The following DCAF8L2 variants were observed in gnomAD, a reference collection of about 807,000 sequenced individuals.
DCAF8L2 encodes the protein DDB1- and CUL4-associated factor 8-like protein 2.
For missense variants in DCAF8L2, 430 were observed against 490.7 expected, an observed-to-expected ratio of 0.88 and a Z score of 1.17; for synonymous variants, 200 against 190.9, an observed-to-expected ratio of 1.05 and a Z score of -0.39.
chrX:27,617,936 G>A (rs1352967488), intron 1 of DCAF8L2, among the ~76,000 whole-genome samples: 1 of 111,618 alleles, frequency 9.0e-6, no homozygotes, highest in Non-Finnish European at 1.9e-5. Flanking sequence ...ACAATTTTTA[G>A]TGTGCAACTT....
the DCAF8L2 span, among the ~76,000 whole-genome samples, chrX:27,571,975 G>A: frequency 8.9e-6 from 1 of 111,795 alleles, no homozygotes; most frequent in Non-Finnish European, 1.9e-5. Context: ...ATGTAGAGGA[G>A]AAAAATTGTC....
At chrX:27,687,333 GA>G (rs1362673121) in intron 3 of DCAF8L2, among the ~76,000 whole-genome samples, 2 of 111,563 alleles carry the variant, frequency 1.8e-5, no homozygotes. Flanking sequence ...AATTAGGGGG[GA>G]AAACCTGTTC....
At chrX:27,560,746 A>C in the DCAF8L2 span, among the ~76,000 whole-genome samples, 1 of 112,359 alleles carries the variant, frequency 8.9e-6, no homozygotes, top group East Asian at 2.8e-4. Context: ...GGCCAGTAAC[A>C]CACTAGAAGT....
chrX:27,721,574 G>A (rs1275401639), intron 4 of DCAF8L2, among the ~76,000 whole-genome samples: 1 of 110,703 alleles, frequency 9.0e-6, no homozygotes, highest in Non-Finnish European at 1.9e-5. Flanking sequence ...TGAATTGATG[G>A]ACAAGAGAAA....
At chrX:27,703,482 A>T (rs1569186715) in intron 3 of DCAF8L2, among the ~76,000 whole-genome samples, 1 of 111,968 alleles carries the variant, frequency 8.9e-6, no homozygotes, top group African/African-American at 3.2e-5. Flanking sequence ...GTTAGACATG[A>T]TAATTAATTG....
chrX:27,524,269 T>A, the DCAF8L2 span, among the ~76,000 whole-genome samples: 2 of 112,114 alleles, frequency 1.8e-5, no homozygotes, highest in African/African-American at 6.5e-5. Flanking sequence ...AGGGTGTATA[T>A]GTCCAGGAAT....
intron 1 of DCAF8L2, among the ~76,000 whole-genome samples, chrX:27,599,200 A>T (rs1926520709): frequency 9.0e-6 from 1 of 111,240 alleles, no homozygotes. Flanking sequence ...AAAAGAAGGA[A>T]ATCCTGTCAT....
Position 27,749,483 on chromosome X carries a change from C to T in DCAF8L2, c.*692C>T. On this transcript the variant is annotated 3_prime_UTR_variant, in exon 5 of 5. Transcript: ENST00000451261. ...CTTAGAATAAATAACGTGGGATTGC[C>T]TACATTTTCTGAATCCATATATTAA... Among the ~76,000 whole-genome samples the T allele has an allele frequency of 8.9e-6, 1 of 111,901 alleles. No individual in the cohort carries two copies. The highest frequency in any genetic ancestry group is 1.9e-5 in the Non-Finnish European group (1 of 53,178).
intron 2 of DCAF8L2, among the ~76,000 whole-genome samples, chrX:27,660,972 C>A: frequency 8.9e-6 from 1 of 111,758 alleles, no homozygotes; most frequent in Admixed American, 9.5e-5. Flanking sequence ...TCAGTGTGGA[C>A]CTAGGCATGT....
At chrX:27,528,476 G>GTGTGTA in the DCAF8L2 span, among the ~76,000 whole-genome samples, 1 of 83,441 alleles carries the variant, frequency 1.2e-5, no homozygotes, top group East Asian at 3.8e-4. Context: ...ATGTGTATGT[G>GTGTGTA]TATATATATA....
chrX:27,550,446 C>T, the DCAF8L2 span, among the ~76,000 whole-genome samples: 1 of 110,779 alleles, frequency 9.0e-6, no homozygotes, highest in Non-Finnish European at 1.9e-5. Flanking sequence ...ATCATCTCAC[C>T]TCAGCCTCCA....
At chrX:27,588,165 C>A (rs747216019), upstream of DCAF8L2, among the ~76,000 whole-genome samples, 25 of 108,273 alleles carry the variant, frequency 2.3e-4, no homozygotes, top group Admixed American at 8.0e-4. Context: ...CCCTTGCTCC[C>A]TCGGTCCCCA....
chrX:27,659,599 C>T (rs1377893705), intron 2 of DCAF8L2, among the ~76,000 whole-genome samples: 2 of 111,454 alleles, frequency 1.8e-5, no homozygotes, highest in Non-Finnish European at 3.8e-5. Flanking sequence ...TTAATTATAT[C>T]CTATATGTCA....
At chrX:27,611,819 AC>A (rs1927197154) in intron 1 of DCAF8L2, among the ~76,000 whole-genome samples, 1 of 111,265 alleles carries the variant, frequency 9.0e-6, no homozygotes, top group African/African-American at 3.3e-5. Flanking sequence ...TATATGTGCC[AC>A]ATTTTCTTAA....
chrX:27,541,905 T>A, the DCAF8L2 span, among the ~76,000 whole-genome samples: 1 of 111,380 alleles, frequency 9.0e-6, no homozygotes, highest in African/African-American at 3.3e-5. Flanking sequence ...CATGTGTGTA[T>A]CCAGTGCTTA....
At chrX:27,608,743 G>T (rs769521162) in intron 1 of DCAF8L2, among the ~76,000 whole-genome samples, 4 of 109,298 alleles carry the variant, frequency 3.7e-5, no homozygotes, top group South Asian at 8.0e-4. Flanking sequence ...ACAGAAGAAG[G>T]TTCCTTCTCT....
In DCAF8L2 at chrX:27,749,774, C is replaced by A. The variant is rs147213325; in HGVS notation, c.*983C>A. The stretch of plus-strand genomic sequence containing the variant: ...AAGATTGTTTATACTTACACATAAC[C>A]ATTTGGTGTAATTGGTAGAAAAATC... On this transcript the variant is annotated 3_prime_UTR_variant, in exon 5 of 5. Coordinates refer to ENST00000451261, the MANE Select transcript of DCAF8L2 (RefSeq NM_001353450.2). Among the ~76,000 whole-genome samples, 1,061 of 112,049 alleles carry A rather than the reference C, an allele frequency of 9.5e-3. 14 individuals carry two copies. Among genetic ancestry groups the A allele is most frequent in the African/African-American group, 0.032 (993 of 30,843 alleles).
chrX:27,715,665 A>G (rs753493461), intron 3 of DCAF8L2, among the ~76,000 whole-genome samples: 53 of 111,868 alleles, frequency 4.7e-4, no homozygotes, highest in Middle Eastern at 4.6e-3. Flanking sequence ...TAAAAACTAA[A>G]TAAATAATGC....
chrX:27,676,170 C>T (rs1483176844), intron 2 of DCAF8L2, among the ~76,000 whole-genome samples: 1 of 111,273 alleles, frequency 9.0e-6, no homozygotes, highest in Non-Finnish European at 1.9e-5. Context: ...CAATTGAGTA[C>T]TCTGTATCTC....
Sources: gnomAD v4.1 joint callset for allele counts (sites outside exome capture counted in the v4.1 genomes callset) on GRCh38, gnomAD v4.1.1 for gene constraint, MANE v1.5 for transcripts, NCBI Gene and HGNC (gene_info 2026-07-23, HGNC 2026-07-21) for gene names.